MUSK: variants seen among roughly 807,000 people sequenced by gnomAD.
MUSK encodes muscle associated receptor tyrosine kinase, also known as muscle, skeletal receptor tyrosine-protein kinase.
MUSK carries 55 observed loss-of-function variants against 88.7 expected under a neutral mutation model. The observed-to-expected ratio is 0.62, with a 90% CI of 0.50 to 0.78. The LOEUF (loss-of-function observed/expected upper bound fraction) is 0.78. MUSK is among the 30% of genes least tolerant of loss of function. The probability of loss-of-function intolerance (pLI) is 0.00; values close to 1 mark genes in which losing one functional copy is unlikely to be tolerated. For synonymous variants in MUSK, 387 were observed against 391.9 expected (o/e 0.99, Z 0.15); for missense variants, 1,015 against 1,074.3 (o/e 0.94, Z 0.77).
chr9:110,690,844 G>GTA (rs1310405810), intron 3 of MUSK, among the ~76,000 whole-genome samples: 1 of 122,088 alleles, frequency 8.2e-6, no homozygotes, highest in Non-Finnish European at 1.6e-5. Flanking sequence ...ATAAATATAA[G>GTA]TATATATATA....
intron 3 of MUSK, among the ~76,000 whole-genome samples, chr9:110,691,284 G>A (rs1358243576): frequency 1.3e-5 from 2 of 152,022 alleles, no homozygotes. Context: ...TTTTGGTACA[G>A]CCTTGTCAGA....
intron 5 of MUSK, among the ~76,000 whole-genome samples, chr9:110,704,012 C>T: frequency 6.6e-6 from 1 of 152,246 alleles, no homozygotes; most frequent in South Asian, 2.1e-4. Context: ...TAAGGGACAA[C>T]AATTAGGATA....
chr9:110,762,289 G>T, intron 8 of MUSK, 81 bp downstream of exon 8: 1 of 1,146,276 alleles, frequency 8.7e-7, no homozygotes, highest in South Asian at 2.7e-5. Context: ...TCTGTGAGAG[G>T]GTCTTGTGTT....
intron 5 of MUSK, among the ~76,000 whole-genome samples, chr9:110,701,650 CTATT>C (rs113506867): frequency 0.054 from 720 of 13,322 alleles, 174 homozygotes; most frequent in East Asian, 0.19. Flanking sequence ...CTGTGCTCAG[CTATT>C]TATTTTATTT....
At position 110,801,843 on chromosome 9, in the gene MUSK, A is replaced by AT; in HGVS notation, c.*862dup. ...TCTGTCCTTTTTTAGTTATTAAGCTATTTTTTTCTTTTATTTCATTCATGT... is the reference window on the plus strand; with the variant it reads ...TCTGTCCTTTTTTAGTTATTAAGCTATTTTTTTTCTTTTATTTCATTCATGT... On this transcript the variant is annotated 3_prime_UTR_variant, in exon 15 of 15. Coordinates refer to ENST00000374448, the MANE Select transcript of MUSK (RefSeq NM_005592.4). Among the ~76,000 whole-genome samples the AT allele has an allele frequency of 6.6e-6, 1 of 151,986 alleles. No homozygotes were observed. Among genetic ancestry groups the AT allele is most frequent in the African/African-American group, 2.4e-5 (1 of 41,458 alleles).
intron 6 of MUSK, among the ~76,000 whole-genome samples, chr9:110,743,329 C>A (rs1279001104): frequency 6.6e-6 from 1 of 152,174 alleles, no homozygotes; most frequent in African/African-American, 2.4e-5. Flanking sequence ...TTGTGGAAAT[C>A]TGAATTCACA....
intron 3 of MUSK, among the ~76,000 whole-genome samples, chr9:110,694,996 C>G (rs1209516193): frequency 6.6e-6 from 1 of 151,994 alleles, no homozygotes. Context: ...TAATTTCTAA[C>G]TAGGTAAGAA....
chr9:110,689,739 A>AAC (rs2076278088), intron 3 of MUSK, among the ~76,000 whole-genome samples: 1 of 10,492 alleles, frequency 9.5e-5, no homozygotes, highest in African/African-American at 3.6e-4. Context: ...GTTTATATAT[A>AAC]ATATTATATA....
rs1587970161 is a variant in MUSK at position 110,734,117 on chromosome 9, A to G, written c.629-134A>G. 1.0e-5 allele frequency: 10 copies of G among 977,018 alleles called. No homozygotes were observed. The East Asian group carries it at 2.1e-4, about 21-fold the overall frequency. The allele number at this position is 977,018 out of a possible 1,614,324, so 60.5% of individuals were successfully genotyped here. Reference sequence around the variant, plus strand: ...TGGAGGCTCGGCCATGGCATGTGGTATTATCCTTAAAACAGAGCAAACACT... The same window carrying G: ...TGGAGGCTCGGCCATGGCATGTGGTGTTATCCTTAAAACAGAGCAAACACT... On this transcript the variant is annotated intron_variant, in intron 5 of 14. Coordinates refer to ENST00000374448, the MANE Select transcript of MUSK (RefSeq NM_005592.4).
At chr9:110,689,896 TATAA>T (rs1036225650) in intron 3 of MUSK, among the ~76,000 whole-genome samples, 1 of 96,560 alleles carries the variant, frequency 1.0e-5, no homozygotes, top group Non-Finnish European at 1.8e-5. Context: ...ATATAAATTA[TATAA>T]ATATACATAA....
chr9:110,761,806 C>A, intron 7 of MUSK: 3 of 339,718 alleles, frequency 8.8e-6, no homozygotes, highest in Non-Finnish European at 1.2e-5. Flanking sequence ...GATCTCCTGA[C>A]CTCATGATCC....
chr9:110,736,815 G>A (rs1037782520), intron 6 of MUSK, among the ~76,000 whole-genome samples: 9 of 152,040 alleles, frequency 5.9e-5, no homozygotes, highest in African/African-American at 1.9e-4. Context: ...GGGACAAGAG[G>A]TTACTGCTAA....
At chr9:110,693,815 A>T (rs145197252) in intron 3 of MUSK, among the ~76,000 whole-genome samples, 71 of 152,274 alleles carry the variant, frequency 4.7e-4, no homozygotes, top group African/African-American at 1.7e-3. Context: ...GAACCTATGG[A>T]AGGCATAGAT....
intron 1 of MUSK, among the ~76,000 whole-genome samples, chr9:110,673,712 A>G (rs973013902): frequency 1.3e-5 from 2 of 152,184 alleles, no homozygotes; most frequent in Non-Finnish European, 1.5e-5. Context: ...TAGTAAGTCT[A>G]TTACCTCTGC....
chr9:110,757,649 CAA>C (rs199661999), intron 7 of MUSK, among the ~76,000 whole-genome samples: 1 of 145,700 alleles, frequency 6.9e-6, no homozygotes, highest in Admixed American at 6.9e-5. Flanking sequence ...GCCAATTTGT[CAA>C]AAAAAAAAAG....
At chr9:110,681,001 TTATATTATATATAATA>T (rs1242120228) in intron 1 of MUSK, among the ~76,000 whole-genome samples, 2 of 58,616 alleles carry the variant, frequency 3.4e-5, no homozygotes, top group East Asian at 2.8e-4. Flanking sequence ...TTATAATATA[TTATATTATATATAATA>T]TATATTATAT....
chr9:110,800,170 TA>T, intron 14 of MUSK, 135 bp from the exon 15 acceptor site: 1 of 789,788 alleles, frequency 1.3e-6, no homozygotes, highest in Non-Finnish European at 2.0e-6. Flanking sequence ...ATACAAATAT[TA>T]AAAAACAAAC....
intron 1 of MUSK, among the ~76,000 whole-genome samples, chr9:110,674,770 G>A (rs2076003345): frequency 6.6e-6 from 1 of 151,618 alleles, no homozygotes; most frequent in Non-Finnish European, 1.5e-5. Context: ...GTGCCACCAT[G>A]CCGGCTAATT....
intron 7 of MUSK, among the ~76,000 whole-genome samples, chr9:110,752,237 A>G (rs1375292530): frequency 2.6e-5 from 4 of 152,142 alleles, no homozygotes; most frequent in Non-Finnish European, 4.4e-5. Context: ...AGCCCCATGA[A>G]GGTCCCTCTG....
Sources: allele counts gnomAD v4.1 joint callset (sites outside exome capture counted in the v4.1 genomes callset), GRCh38; gene constraint gnomAD v4.1.1; transcripts MANE v1.5; gene names NCBI Gene and HGNC (gene_info 2026-07-23, HGNC 2026-07-21).